Variants in FBXL17 observed in about 807,000 individuals in gnomAD.
The protein encoded by FBXL17 is F-box and leucine rich repeat protein 17, also known as F-box/LRR-repeat protein 17.
FBXL17 carries 22 observed loss-of-function variants against 66.2 expected under a neutral mutation model. That is an observed-to-expected ratio of 0.33 (90% CI 0.24 to 0.47). The LOEUF is 0.47. Ranked by LOEUF, FBXL17 falls within the 20% of genes least tolerant of loss-of-function variation. The probability of loss-of-function intolerance (pLI) is 1.00; values close to 1 mark genes in which losing one functional copy is unlikely to be tolerated. For synonymous variants in FBXL17, 474 were observed against 400.5 expected (o/e 1.18, Z -2.19); for missense variants, 878 against 948.2 (o/e 0.93, Z 0.97).
At chr5:108,361,489 C>T (rs1561553439) in intron 3 of FBXL17, among the ~76,000 whole-genome samples, 1 of 152,064 alleles carries the variant, frequency 6.6e-6, no homozygotes, top group South Asian at 2.1e-4. Flanking sequence ...ATAAAGTTTA[C>T]AGTCTTCTTA....
intron 6 of FBXL17, among the ~76,000 whole-genome samples, chr5:108,053,817 T>A (rs991088343): frequency 2.0e-5 from 3 of 152,148 alleles, no homozygotes; most frequent in African/African-American, 7.2e-5. Context: ...CACATGTATG[T>A]TTACTACAGC....
intron 8 of FBXL17, 109 bp from the exon 9 acceptor site, chr5:107,861,969 G>A (rs531897986): frequency 1.7e-6 from 2 of 1,195,988 alleles, no homozygotes; most frequent in Non-Finnish European, 2.2e-6. Context: ...AAGAGCCCTC[G>A]CCTTGTTCCT....
chr5:107,962,272 A>G (rs1053778434), intron 7 of FBXL17, among the ~76,000 whole-genome samples: 1 of 152,172 alleles, frequency 6.6e-6, no homozygotes, highest in Non-Finnish European at 1.5e-5. Context: ...ATTTAAACCT[A>G]TAAAATGATA....
At position 108,200,858 on chromosome 5, in the gene FBXL17, T is replaced by G. The variant is rs903651663; in HGVS notation, c.1615-14611A>C. 1.0e-3 allele frequency among the ~76,000 whole-genome samples: 152 copies of G among 152,126 alleles called. 8 individuals are homozygous for G. Among genetic ancestry groups the G allele is most frequent in the Non-Finnish European group, 5.0e-4 (34 of 68,022 alleles). Reference sequence around the variant, plus strand: ...ATACGTCTGGGCTAGAGAGCAAACATGTGAAGAGCTCAATTGCCTTTAGTC... The same window carrying G: ...ATACGTCTGGGCTAGAGAGCAAACAGGTGAAGAGCTCAATTGCCTTTAGTC... On this transcript the variant is annotated intron_variant, in intron 5 of 8. Transcript: ENST00000542267.
chr5:108,172,974 T>C (rs1262920400), intron 6 of FBXL17, among the ~76,000 whole-genome samples: 1 of 151,892 alleles, frequency 6.6e-6, no homozygotes, highest in Non-Finnish European at 1.5e-5. Flanking sequence ...TAATTTTGTA[T>C]TTTTTTAGTA....
intron 5 of FBXL17, among the ~76,000 whole-genome samples, chr5:108,198,260 T>C (rs1753757864): frequency 6.6e-6 from 1 of 152,080 alleles, no homozygotes. Context: ...TTTTAAGTCG[T>C]TTTTATGATA....
At chr5:107,945,963 T>C (rs1364196277) in intron 7 of FBXL17, among the ~76,000 whole-genome samples, 4 of 151,992 alleles carry the variant, frequency 2.6e-5, no homozygotes, top group African/African-American at 7.2e-5. Context: ...CCCTATAACA[T>C]AATCTAACAG....
intron 6 of FBXL17, among the ~76,000 whole-genome samples, chr5:108,178,786 C>G (rs1752891615): frequency 6.6e-6 from 1 of 152,230 alleles, no homozygotes; most frequent in Non-Finnish European, 1.5e-5. Context: ...TTTTTGCCAC[C>G]TCTTTATTTC....
At chr5:107,901,364 T>G (rs1749563297) in intron 7 of FBXL17, among the ~76,000 whole-genome samples, 1 of 152,222 alleles carries the variant, frequency 6.6e-6, no homozygotes, top group African/African-American at 2.4e-5. Flanking sequence ...CTACTTTGGG[T>G]AGAAATAGTT....
chr5:108,129,769 T>A (rs1388468665), intron 6 of FBXL17, among the ~76,000 whole-genome samples: 1 of 148,592 alleles, frequency 6.7e-6, no homozygotes, highest in Admixed American at 6.8e-5. Context: ...AGAACAAAGA[T>A]TTTCAAAATA....
At chr5:108,200,985 A>T (rs547913100) in intron 5 of FBXL17, among the ~76,000 whole-genome samples, 1 of 152,204 alleles carries the variant, frequency 6.6e-6, no homozygotes, top group Non-Finnish European at 1.5e-5. Context: ...ATAATGAGTA[A>T]TAACATGTAA....
intron 4 of FBXL17, among the ~76,000 whole-genome samples, chr5:108,268,907 A>G (rs1192538750): frequency 5.9e-5 from 9 of 152,088 alleles, no homozygotes; most frequent in Non-Finnish European, 1.2e-4. Flanking sequence ...TTTATGTGCC[A>G]CAAGAGCCTT....
intron 6 of FBXL17, among the ~76,000 whole-genome samples, chr5:108,064,790 T>C (rs1371034021): frequency 1.3e-5 from 2 of 152,176 alleles, no homozygotes; most frequent in African/African-American, 4.8e-5. Context: ...GGTGATTTTA[T>C]CTCACAGTTC....
intron 5 of FBXL17, among the ~76,000 whole-genome samples, chr5:108,198,047 G>A (rs1303308311): frequency 3.3e-5 from 5 of 152,114 alleles, no homozygotes; most frequent in African/African-American, 1.2e-4. Context: ...ACCATCAGCT[G>A]AGCCACCTGC....
At chr5:108,294,849 T>G (rs1453037980) in intron 4 of FBXL17, among the ~76,000 whole-genome samples, 1 of 152,144 alleles carries the variant, frequency 6.6e-6, no homozygotes, top group Non-Finnish European at 1.5e-5. Context: ...CAGAATGACT[T>G]ACTTCATATC....
chr5:108,036,597 T>C lies in FBXL17; in HGVS notation c.1746-15596A>G, dbSNP rs532269484. Among the ~76,000 whole-genome samples, 5 of 152,322 alleles carry C rather than the reference T, an allele frequency of 3.3e-5. No individual in the cohort carries two copies. In the South Asian group the frequency reaches 8.3e-4, roughly 25 times the overall value. ...GCTTATGTCTTCTCATAGTGACCAT[T>C]GCTCCTAACCCCTAGTTTCCCTTCA... On this transcript the variant is annotated intron_variant, in intron 6 of 8. Transcript: ENST00000542267.
intron 7 of FBXL17, among the ~76,000 whole-genome samples, chr5:107,980,664 A>ATATATATTTTTTTTT: frequency 3.2e-5 from 2 of 62,076 alleles, no homozygotes; most frequent in African/African-American, 1.0e-4. Context: ...ATATATATAT[A>ATATATATTTTTTTTT]TTTTTTTTTT....
chr5:108,098,092 G>T (rs1201253609), intron 6 of FBXL17, among the ~76,000 whole-genome samples: 1 of 151,948 alleles, frequency 6.6e-6, no homozygotes, highest in Non-Finnish European at 1.5e-5. Flanking sequence ...ACAAGCATAT[G>T]GTCAGATGGA....
chr5:108,367,807 G>A (rs1467817757), intron 2 of FBXL17, 24 bp downstream of exon 2: 2 of 1,541,720 alleles, frequency 1.3e-6, no homozygotes, highest in Admixed American at 2.0e-5. Flanking sequence ...TCATATGAGT[G>A]TTACTTAGAA....
Sources: allele counts gnomAD v4.1 joint callset (sites outside exome capture counted in the v4.1 genomes callset), GRCh38; gene constraint gnomAD v4.1.1; transcripts MANE v1.5; gene names NCBI Gene and HGNC (gene_info 2026-07-23, HGNC 2026-07-21).